IMMP2L: variants seen among roughly 807,000 people sequenced by gnomAD.
IMMP2L encodes mitochondrial inner membrane protease subunit 2.
Under a neutral mutation model 19.3 loss-of-function variants are expected in IMMP2L, and 18 were observed. The observed-to-expected ratio is 0.93, with a 90% CI of 0.64 to 1.38. The LOEUF is 1.38. Among genes scored for constraint, IMMP2L ranks in the 40% most tolerant of loss-of-function variants. The probability of loss-of-function intolerance (pLI) is 0.00; values close to 1 mark genes in which losing one functional copy is unlikely to be tolerated. For synonymous variants in IMMP2L, 76 were observed against 73.0 expected (o/e 1.04, Z -0.21); for missense variants, 233 against 218.2 (o/e 1.07, Z -0.43).
rs558077508 is a variant in IMMP2L at position 110,798,797 on chromosome 7, T to C, written c.408+87796A>G. Among the ~76,000 whole-genome samples, 19 of 151,868 alleles carry C rather than the reference T, an allele frequency of 1.3e-4. 1 individual carries two copies. In the East Asian group the frequency reaches 3.7e-3, roughly 30 times the overall value. Reference sequence around the variant, plus strand: ...CTTATTATCTGATTAAAGGGAAACATCTCCACAAACAGACGTTTTTTATCT... The same window carrying C: ...CTTATTATCTGATTAAAGGGAAACACCTCCACAAACAGACGTTTTTTATCT... On this transcript the variant is annotated intron_variant, in intron 5 of 5. Transcript: ENST00000405709.
intron 3 of IMMP2L, among the ~76,000 whole-genome samples, chr7:111,230,777 T>G (rs972425783): frequency 6.6e-6 from 1 of 151,954 alleles, no homozygotes; most frequent in African/African-American, 2.4e-5. Flanking sequence ...CAAACACTAA[T>G]GAGTGTGCAA....
At chr7:110,972,823 C>A (rs1181001295) in intron 3 of IMMP2L, among the ~76,000 whole-genome samples, 1 of 152,078 alleles carries the variant, frequency 6.6e-6, no homozygotes, top group African/African-American at 2.4e-5. Context: ...GAAGCACTGA[C>A]TTGGAGAAGA....
intron 3 of IMMP2L, among the ~76,000 whole-genome samples, chr7:111,217,126 T>TCTCTCTCACA (rs1472700586): frequency 1.6e-5 from 2 of 124,070 alleles, no homozygotes; most frequent in African/African-American, 6.3e-5. Context: ...TCTCTCTCTC[T>TCTCTCTCACA]CACACACACA....
intron 4 of IMMP2L, among the ~76,000 whole-genome samples, chr7:110,913,223 A>G (rs1158495059): frequency 1.3e-5 from 2 of 152,182 alleles, no homozygotes; most frequent in African/African-American, 4.8e-5. Context: ...GTACTGGACA[A>G]TAGGTAAGAG....
intron 5 of IMMP2L, among the ~76,000 whole-genome samples, chr7:110,779,737 T>C (rs966079615): frequency 1.3e-5 from 2 of 151,816 alleles, no homozygotes; most frequent in African/African-American, 4.8e-5. Context: ...CTACCAGGGA[T>C]TAACTAAAAT....
intron 5 of IMMP2L, among the ~76,000 whole-genome samples, chr7:110,798,631 AT>A (rs1316025663): frequency 6.6e-6 from 1 of 151,994 alleles, no homozygotes; most frequent in Non-Finnish European, 1.5e-5. Context: ...AGAAAACTAA[AT>A]TTAAAGCCAA....
chr7:110,706,589 C>T (rs574578198), intron 5 of IMMP2L, among the ~76,000 whole-genome samples: 12 of 152,222 alleles, frequency 7.9e-5, no homozygotes, highest in African/African-American at 2.9e-4. Flanking sequence ...TTTTGATGTG[C>T]ATTTCTCTGA....
chr7:111,178,982 T>A (rs1807396106), intron 3 of IMMP2L, among the ~76,000 whole-genome samples: 1 of 151,968 alleles, frequency 6.6e-6, no homozygotes, highest in Non-Finnish European at 1.5e-5. Context: ...AATTTACTTT[T>A]CCCAGAGCCA....
rs772769671 is a variant in IMMP2L at position 110,663,596 on chromosome 7, A to T, written c.*6T>A. On this transcript the variant is annotated 3_prime_UTR_variant, in exon 6 of 6. Coordinates refer to ENST00000405709, the MANE Select transcript of IMMP2L (RefSeq NM_032549.4). ...CAATGCCAGCAACTCAGGTAGATTC[A>T]TGCAGTCATTCCTCTTCTCTCTGTA... 1 of 1,613,340 alleles carries T rather than the reference A, an allele frequency of 6.2e-7. No individual in the cohort carries two copies. The highest frequency in any genetic ancestry group is 1.1e-5 in the South Asian group (1 of 91,060).
intron 3 of IMMP2L, among the ~76,000 whole-genome samples, chr7:111,348,283 A>G (rs1175351851): frequency 6.6e-6 from 1 of 152,092 alleles, no homozygotes; most frequent in African/African-American, 2.4e-5. Context: ...AACTTAAAGT[A>G]TAATAAAAAA....
At chr7:111,373,799 A>G (rs888855104) in intron 3 of IMMP2L, among the ~76,000 whole-genome samples, 1 of 151,926 alleles carries the variant, frequency 6.6e-6, no homozygotes, top group Non-Finnish European at 1.5e-5. Context: ...AATCCCACTC[A>G]CTCTGTCCCC....
intron 5 of IMMP2L, among the ~76,000 whole-genome samples, chr7:110,714,772 T>C (rs944608020): frequency 2.6e-5 from 4 of 152,092 alleles, no homozygotes; most frequent in Admixed American, 2.0e-4. Context: ...AATTTTTGTA[T>C]TTTTAGTAGG....
chr7:110,882,290 T>TGCC (rs376435278), intron 5 of IMMP2L, among the ~76,000 whole-genome samples: 1,959 of 56,762 alleles, frequency 0.035, 53 homozygotes, highest in African/African-American at 0.1. Flanking sequence ...GTCAAGTGCC[T>TGCC]TCCTTCCTTC....
chr7:111,515,046 T>C (rs1845767205), intron 2 of IMMP2L, among the ~76,000 whole-genome samples: 1 of 152,100 alleles, frequency 6.6e-6, no homozygotes, highest in African/African-American at 2.4e-5. Context: ...GCCTTTAAAG[T>C]CTAGTTCGGC....
intron 3 of IMMP2L, among the ~76,000 whole-genome samples, chr7:111,274,287 C>T (rs568206422): frequency 1.4e-4 from 21 of 152,132 alleles, no homozygotes; most frequent in African/African-American, 4.8e-4. Flanking sequence ...ATTAAAACTT[C>T]CATTAAAAGG....
chr7:111,023,129 A>G (rs1013921679), intron 3 of IMMP2L, among the ~76,000 whole-genome samples: 1 of 152,210 alleles, frequency 6.6e-6, no homozygotes, highest in African/African-American at 2.4e-5. Flanking sequence ...TGATGTGCGA[A>G]GCAGGGCCTA....
chr7:111,473,683 A>G (rs997752064), intron 3 of IMMP2L, among the ~76,000 whole-genome samples: 6 of 152,194 alleles, frequency 3.9e-5, no homozygotes, highest in African/African-American at 1.4e-4. Flanking sequence ...TGGTAGATTC[A>G]ATATCAATAT....
intron 5 of IMMP2L, among the ~76,000 whole-genome samples, chr7:110,713,456 TG>T (rs1795030680): frequency 6.6e-6 from 1 of 152,184 alleles, no homozygotes; most frequent in Non-Finnish European, 1.5e-5. Context: ...AAAATGATAT[TG>T]GTAGTTTGAT....
rs1297802306 is a variant in IMMP2L at position 111,466,972 on chromosome 7, G to C, written c.239+20266C>G. Among the ~76,000 whole-genome samples, 6 of 152,158 alleles carry C rather than the reference G, an allele frequency of 3.9e-5. No individual in the cohort carries two copies. In the South Asian group the frequency reaches 6.2e-4, roughly 16 times the overall value. On this transcript the variant is annotated intron_variant, in intron 3 of 5. Transcript: ENST00000405709. ...AGCATCTTTGGATTTTGGTACAATT[G>C]AGAGGTCCTGGAACCAATTCCCCAT...
Sources: allele counts gnomAD v4.1 joint callset (sites outside exome capture counted in the v4.1 genomes callset), GRCh38; gene constraint gnomAD v4.1.1; transcripts MANE v1.5; gene names NCBI Gene and HGNC (gene_info 2026-07-23, HGNC 2026-07-21).